The following STK39 variants were observed in gnomAD, a reference collection of about 807,000 sequenced individuals.
STK39 encodes serine/threonine kinase 39, also known as STE20/SPS1-related proline-alanine-rich protein kinase.
Under a neutral mutation model 77.8 loss-of-function variants are expected in STK39, and 20 were observed. That is an observed-to-expected ratio of 0.26 (90% CI 0.18 to 0.37). The LOEUF (loss-of-function observed/expected upper bound fraction) is 0.37, where lower values mean the gene tolerates loss of function less well. Among genes scored for constraint, STK39 ranks in the 10% least tolerant of loss-of-function variants. STK39 has a pLI of 1.00. For missense variants in STK39, 479 were observed against 656.5 expected, an observed-to-expected ratio of 0.73 and a Z score of 2.95; for synonymous variants, 246 against 234.1, an observed-to-expected ratio of 1.05 and a Z score of -0.47.
intron 14 of STK39, among the ~76,000 whole-genome samples, chr2:168,046,140 G>A (rs917980228): frequency 6.6e-6 from 1 of 152,172 alleles, no homozygotes; most frequent in East Asian, 1.9e-4. Flanking sequence ...GGCTGAGGCG[G>A]GCGGATCACG....
chr2:168,028,793 G>A (rs1432112978), intron 14 of STK39, among the ~76,000 whole-genome samples: 1 of 152,118 alleles, frequency 6.6e-6, no homozygotes, highest in Non-Finnish European at 1.5e-5. Context: ...TCTCTCCCAT[G>A]CATGAGGCTC....
At chr2:168,230,438 A>G (rs574262113) in intron 1 of STK39, among the ~76,000 whole-genome samples, 114 of 152,310 alleles carry the variant, frequency 7.5e-4, no homozygotes, top group African/African-American at 2.6e-3. Flanking sequence ...GCCAGCCAAC[A>G]GCCACCACCA....
intron 16 of STK39, among the ~76,000 whole-genome samples, chr2:167,982,786 C>A (rs551438492): frequency 2.3e-4 from 35 of 152,280 alleles, no homozygotes; most frequent in Middle Eastern, 6.8e-3. Context: ...ATTTTCCCCC[C>A]ACAAAGATGA....
At chr2:168,109,108 G>A (rs573071855) in intron 10 of STK39, among the ~76,000 whole-genome samples, 1 of 152,112 alleles carries the variant, frequency 6.6e-6, no homozygotes, top group Non-Finnish European at 1.5e-5. Flanking sequence ...GACTCTTCAT[G>A]TTGTTGCGAT....
At chr2:168,119,939 G>A (rs1574480781) in intron 10 of STK39, among the ~76,000 whole-genome samples, 1 of 152,150 alleles carries the variant, frequency 6.6e-6, no homozygotes, top group East Asian at 1.9e-4. Context: ...GGACTGTTAG[G>A]ACATGATGAT....
chr2:168,134,653 A>G (rs895691684), intron 8 of STK39, among the ~76,000 whole-genome samples: 1 of 152,188 alleles, frequency 6.6e-6, no homozygotes, highest in Non-Finnish European at 1.5e-5. Flanking sequence ...GTCTACGTCA[A>G]TGCAGAACAC....
intron 14 of STK39, among the ~76,000 whole-genome samples, chr2:168,032,167 A>T (rs562949450): frequency 6.6e-5 from 10 of 152,366 alleles, no homozygotes; most frequent in Admixed American, 6.5e-4. Flanking sequence ...ATATCCAAGG[A>T]CAAGACTTAA....
chr2:168,203,979 G>A (rs1259441930), intron 1 of STK39, among the ~76,000 whole-genome samples: 1 of 152,194 alleles, frequency 6.6e-6, no homozygotes, highest in Non-Finnish European at 1.5e-5. Context: ...GGAAAAGAAA[G>A]GGGGAAAAAC....
chr2:168,181,996 G>A lies in STK39; in HGVS notation c.303C>T (p.Thr101=). The A allele has an allele frequency of 6.2e-7, 1 of 1,613,836 alleles. No individual in the cohort carries two copies. The highest frequency in any genetic ancestry group is 8.5e-7 in the Non-Finnish European group (1 of 1,179,844). Residue 101 remains threonine (T), a synonymous_variant, in exon 2 of 18, where the codon ACC becomes ACT. Transcript: ENST00000355999. ...TACTTACTAATAGTTCATCCATACT[G>A]GTCTGGCATTTTTCCAAGTTGATCC... ...IKRINLEKCQ[T]SMDELLKEIQ...
chr2:168,162,756 A>T (rs1688606747), intron 4 of STK39, among the ~76,000 whole-genome samples: 1 of 152,176 alleles, frequency 6.6e-6, no homozygotes, highest in Non-Finnish European at 1.5e-5. Flanking sequence ...GGCCAGCCAC[A>T]GTGGCTCACG....
At position 168,209,447 on chromosome 2, in the gene STK39, T is replaced by G. The variant is rs557335677; in HGVS notation, c.209-27357A>C. Among the ~76,000 whole-genome samples the G allele has an allele frequency of 2.1e-5, 3 of 142,880 alleles. No individual in the cohort carries two copies. The South Asian group carries it at 6.8e-4, about 33-fold the overall frequency. 93.7% of individuals were successfully genotyped at this position (142,880 alleles called of 152,430 possible). On this transcript the variant is annotated intron_variant, in intron 1 of 17. Coordinates refer to ENST00000355999, the MANE Select transcript of STK39 (RefSeq NM_013233.3). Reference sequence around the variant, plus strand: ...ATCCCAGCACTTTGGGAGGCGGAGGTGGGCAGATCCCCTGAGGTCAGGAGT... The same window carrying G: ...ATCCCAGCACTTTGGGAGGCGGAGGGGGGCAGATCCCCTGAGGTCAGGAGT...
chr2:168,008,453 G>A (rs868643203), intron 16 of STK39, among the ~76,000 whole-genome samples: 1 of 152,182 alleles, frequency 6.6e-6, no homozygotes, highest in African/African-American at 2.4e-5. Context: ...TCCTGGAGGG[G>A]CAGGCTGGGA....
intron 16 of STK39, among the ~76,000 whole-genome samples, chr2:168,006,024 C>T (rs987109108): frequency 1.3e-5 from 2 of 152,164 alleles, no homozygotes; most frequent in African/African-American, 4.8e-5. Flanking sequence ...AATGCAGGCA[C>T]CCAGCTCCCT....
intron 1 of STK39, among the ~76,000 whole-genome samples, chr2:168,207,568 G>A (rs1689773831): frequency 6.6e-6 from 1 of 152,186 alleles, no homozygotes; most frequent in Non-Finnish European, 1.5e-5. Context: ...AAATGTCAGA[G>A]GAGATATAAA....
intron 14 of STK39, among the ~76,000 whole-genome samples, chr2:168,026,553 A>C (rs1017384292): frequency 2.6e-5 from 4 of 152,300 alleles, no homozygotes; most frequent in East Asian, 1.9e-4. Flanking sequence ...CCATTAACGG[A>C]AGAAATGACA....
chr2:168,040,728 A>G (rs1041082561), intron 14 of STK39, among the ~76,000 whole-genome samples: 16 of 152,206 alleles, frequency 1.1e-4, no homozygotes, highest in Non-Finnish European at 2.4e-4. Context: ...TTTAATTGAC[A>G]AAATGTTTAT....
intron 12 of STK39, among the ~76,000 whole-genome samples, chr2:168,072,959 A>C (rs563519879): frequency 2.0e-5 from 3 of 152,230 alleles, no homozygotes; most frequent in Admixed American, 6.5e-5. Flanking sequence ...ACATGCAAAC[A>C]CATGTATCCT....
intron 10 of STK39, among the ~76,000 whole-genome samples, chr2:168,093,819 T>C (rs1686590454): frequency 6.6e-6 from 1 of 152,188 alleles, no homozygotes; most frequent in African/African-American, 2.4e-5. Context: ...GAAATTCTTA[T>C]CACAGCTCCT....
intron 14 of STK39, among the ~76,000 whole-genome samples, chr2:168,032,597 A>G (rs185537934): frequency 6.6e-6 from 1 of 152,368 alleles, no homozygotes; most frequent in East Asian, 1.9e-4. Context: ...AAAGGATGTC[A>G]GGCTGGACAA....
Sources: gnomAD v4.1 joint callset for allele counts (sites outside exome capture counted in the v4.1 genomes callset) on GRCh38, gnomAD v4.1.1 for gene constraint, MANE v1.5 for transcripts, NCBI Gene and HGNC (gene_info 2026-07-23, HGNC 2026-07-21) for gene names.